Variants in SUMF1 observed in about 807,000 individuals in gnomAD.
The protein encoded by SUMF1 is formylglycine-generating enzyme.
Under a neutral mutation model 47.6 loss-of-function variants are expected in SUMF1, and 48 were observed. The observed-to-expected ratio is 1.01, with a 90% CI of 0.80 to 1.28. SUMF1 has a LOEUF of 1.28. Among genes scored for constraint, SUMF1 ranks in the 50% most tolerant of loss-of-function variants. SUMF1 has a pLI of 0.00. For missense variants in SUMF1, 571 were observed against 485.4 expected (o/e 1.18, Z -1.66); for synonymous variants, 230 against 192.1 (o/e 1.20, Z -1.63).
intron 8 of SUMF1, among the ~76,000 whole-genome samples, chr3:4,253,987 C>T (rs1696878974): frequency 6.6e-6 from 1 of 150,774 alleles, no homozygotes; most frequent in African/African-American, 2.5e-5. Flanking sequence ...TGGGAGGCAC[C>T]CCCCAGCAAG....
chr3:4,318,915 CA>C (rs921792683), intron 8 of SUMF1, among the ~76,000 whole-genome samples: 1 of 151,554 alleles, frequency 6.6e-6, no homozygotes, highest in Non-Finnish European at 1.5e-5. Context: ...CAAAAAAACA[CA>C]AAAAAAGCCG....
intron 8 of SUMF1, among the ~76,000 whole-genome samples, chr3:4,245,687 C>T (rs1175290156): frequency 2.0e-5 from 3 of 152,136 alleles, no homozygotes; most frequent in African/African-American, 4.8e-5. Context: ...AGTCAGGCTA[C>T]GCAAGGGTCA....
At chr3:4,446,742 C>T (rs1489763114) in intron 3 of SUMF1, among the ~76,000 whole-genome samples, 2 of 152,174 alleles carry the variant, frequency 1.3e-5, no homozygotes, top group African/African-American at 4.8e-5. Context: ...AGATGAACTG[C>T]ACCATGACAG....
At chr3:4,116,406 A>G (rs1693425319) in intron 8 of SUMF1, among the ~76,000 whole-genome samples, 1 of 152,142 alleles carries the variant, frequency 6.6e-6, no homozygotes, top group South Asian at 2.1e-4. Context: ...GCTTTCCTGC[A>G]AAGTTTTCCC....
At chr3:4,050,338 C>A (rs1247238673) in intron 9 of SUMF1, among the ~76,000 whole-genome samples, 1 of 151,828 alleles carries the variant, frequency 6.6e-6, no homozygotes, top group East Asian at 1.9e-4. Context: ...GTTATAAAAT[C>A]ACTGAAATTG....
At chr3:4,106,537 T>A (rs145639123) in intron 8 of SUMF1, among the ~76,000 whole-genome samples, 56 of 152,274 alleles carry the variant, frequency 3.7e-4, no homozygotes, top group African/African-American at 1.3e-3. Context: ...AAATTCCAAC[T>A]GTTTGAAGTG....
chr3:4,442,264 T>TC (rs1006279101), intron 3 of SUMF1, among the ~76,000 whole-genome samples: 38 of 151,696 alleles, frequency 2.5e-4, no homozygotes, highest in African/African-American at 8.7e-4. Context: ...ACTCTTTTTT[T>TC]TTTTTTTTTG....
intron 3 of SUMF1, 117 bp downstream of exon 3, chr3:4,449,149 G>T: frequency 8.9e-7 from 1 of 1,123,548 alleles, no homozygotes; most frequent in Non-Finnish European, 1.4e-6. Flanking sequence ...ATCCTCAGCA[G>T]GAGAATGGTT....
intron 9 of SUMF1, among the ~76,000 whole-genome samples, chr3:4,041,482 T>A (rs548364230): frequency 6.6e-6 from 1 of 152,192 alleles, no homozygotes; most frequent in Non-Finnish European, 1.5e-5. Context: ...GCTTCAGCAC[T>A]GCAATCCTGC....
chr3:4,346,320 C>G (rs1349681438), intron 8 of SUMF1, among the ~76,000 whole-genome samples: 1 of 152,154 alleles, frequency 6.6e-6, no homozygotes. Flanking sequence ...GAAATCATAA[C>G]AAACAGTCTC....
chr3:4,211,199 C>CATATATATATATATATATGTGT (rs3046224), intron 8 of SUMF1, among the ~76,000 whole-genome samples: 2 of 85,038 alleles, frequency 2.4e-5, no homozygotes, highest in African/African-American at 9.7e-5. Context: ...CATATACATA[C>CATATATATATATATATATGTGT]ATACATATAT....
At chr3:4,211,744 A>T (rs565936300) in intron 8 of SUMF1, among the ~76,000 whole-genome samples, 1 of 152,156 alleles carries the variant, frequency 6.6e-6, no homozygotes, top group Non-Finnish European at 1.5e-5. Flanking sequence ...GGCTAAAATT[A>T]TAAGAACTGA....
rs370793169 is a variant in SUMF1, at chr3:4,417,256, C to T, written c.726-14G>A. 1 of 1,611,280 alleles carries T rather than the reference C, an allele frequency of 6.2e-7. No individual in the cohort carries two copies. The highest frequency in any genetic ancestry group is 2.2e-5 in the East Asian group (1 of 44,814). ...CAGGGGAAAAGTCTGTCAGAAGAGA[C>T]ACAGGCATCAGCCTGTCAAACAGGC... On this transcript the variant is annotated splice_polypyrimidine_tract_variant and intron_variant, in intron 5 of 8. Coordinates refer to ENST00000272902, the MANE Select transcript of SUMF1 (RefSeq NM_182760.4).
At chr3:4,350,808 A>T (rs148672741) in intron 8 of SUMF1, among the ~76,000 whole-genome samples, 288 of 152,270 alleles carry the variant, frequency 1.9e-3, no homozygotes, top group African/African-American at 6.5e-3. Context: ...CAAACACTTT[A>T]GAATAACTGT....
chr3:4,117,625 G>A (rs1693452002), intron 8 of SUMF1, among the ~76,000 whole-genome samples: 1 of 152,038 alleles, frequency 6.6e-6, no homozygotes, highest in African/African-American at 2.4e-5. Context: ...CCACCTCTCT[G>A]AGTTTTGATT....
intron 8 of SUMF1, among the ~76,000 whole-genome samples, chr3:4,183,991 C>T (rs998568651): frequency 6.6e-5 from 10 of 151,794 alleles, no homozygotes; most frequent in South Asian, 2.1e-4. Context: ...AAAAATTAGT[C>T]GGGCATTGTG....
intron 7 of SUMF1, among the ~76,000 whole-genome samples, chr3:4,407,731 G>C (rs929942167): frequency 1.3e-5 from 2 of 152,220 alleles, no homozygotes; most frequent in African/African-American, 4.8e-5. Flanking sequence ...TCAAATCCTA[G>C]AGAGGTGAAA....
rs538911674 is a variant in SUMF1 at position 4,171,100 on chromosome 3, C to T, written c.1015-102355G>A. Among the ~76,000 whole-genome samples the T allele has an allele frequency of 3.0e-3, 453 of 152,266 alleles. 4 individuals carry two copies. The highest frequency in any genetic ancestry group is 5.2e-3 in the Non-Finnish European group (357 of 68,014). On this transcript the variant is annotated intron_variant and NMD_transcript_variant, in intron 8 of 12. Coordinates refer to the SUMF1 transcript ENST00000448413. Reference sequence around the variant, plus strand: ...TCAAATTTTGTTAAAAAGAATTATTCGATGCCCTTAAGGAGAGAGGATACT... The same window carrying T: ...TCAAATTTTGTTAAAAAGAATTATTTGATGCCCTTAAGGAGAGAGGATACT...
chr3:4,395,009 C>T (rs1484667918), intron 7 of SUMF1, among the ~76,000 whole-genome samples: 13 of 152,194 alleles, frequency 8.5e-5, no homozygotes, highest in Non-Finnish European at 1.9e-4. Flanking sequence ...TGTTAATTAC[C>T]ATACCATCCA....
Sources: allele counts gnomAD v4.1 joint callset (sites outside exome capture counted in the v4.1 genomes callset), GRCh38; gene constraint gnomAD v4.1.1; transcripts MANE v1.5; gene names NCBI Gene and HGNC (gene_info 2026-07-23, HGNC 2026-07-21).